The following DIAPH3 variants were observed in gnomAD, a reference collection of about 807,000 sequenced individuals.
DIAPH3 encodes diaphanous related formin 3.
Under a neutral mutation model 144.3 loss-of-function variants are expected in DIAPH3, and 117 were observed. The ratio of observed to expected loss-of-function variants is 0.81; its 90% CI spans 0.70 to 0.95. The LOEUF (loss-of-function observed/expected upper bound fraction) is 0.95, where lower values mean the gene tolerates loss of function less well. DIAPH3 is among the 40% of genes least tolerant of loss of function. DIAPH3 has a pLI of 0.00. For synonymous variants in DIAPH3, 519 were observed against 488.9 expected, an observed-to-expected ratio of 1.06 and a Z score of -0.81; for missense variants, 1,421 against 1,412.7, an observed-to-expected ratio of 1.01 and a Z score of -0.09.
chr13:60,153,945 T>C (rs1951911742), intron 1 of DIAPH3, among the ~76,000 whole-genome samples: 1 of 152,128 alleles, frequency 6.6e-6, no homozygotes, highest in African/African-American at 2.4e-5. Flanking sequence ...ATCCCCACTT[T>C]AGACATAAAG....
At chr13:59,754,427 T>C (rs2037159583) in intron 27 of DIAPH3, among the ~76,000 whole-genome samples, 1 of 152,140 alleles carries the variant, frequency 6.6e-6, no homozygotes, top group Admixed American at 6.5e-5. Context: ...GCATCTTATC[T>C]TTCTAAAATA....
intron 9 of DIAPH3, among the ~76,000 whole-genome samples, chr13:60,007,143 C>T (rs575557319): frequency 5.7e-4 from 87 of 152,116 alleles, no homozygotes; most frequent in Admixed American, 1.8e-3. Flanking sequence ...CCACTGTCTC[C>T]GGGGTTCAAG....
chr13:59,738,591 T>A (rs2139030349), intron 27 of DIAPH3, among the ~76,000 whole-genome samples: 1 of 152,216 alleles, frequency 6.6e-6, no homozygotes, highest in African/African-American at 2.4e-5. Context: ...TGTCAAATAC[T>A]AAGACTACTA....
chr13:60,106,445 G>A (rs989181238), intron 3 of DIAPH3, among the ~76,000 whole-genome samples: 2 of 152,122 alleles, frequency 1.3e-5, no homozygotes, highest in Non-Finnish European at 2.9e-5. Context: ...GAAAATATAG[G>A]AGAATAGATT....
chr13:59,674,999 T>C (rs772916744), intron 27 of DIAPH3, among the ~76,000 whole-genome samples: 1 of 152,210 alleles, frequency 6.6e-6, no homozygotes, highest in Non-Finnish European at 1.5e-5. Context: ...TACAGGGATA[T>C]GGTTTGACAG....
intron 20 of DIAPH3, 80 bp downstream of exon 20, chr13:59,911,655 A>T (rs532615191): frequency 1.9e-6 from 2 of 1,048,400 alleles, no homozygotes; most frequent in African/African-American, 1.6e-5. Context: ...ATGCTTTTTT[A>T]CATTTAGCGA....
chr13:60,089,907 C>T (rs1367243202), intron 4 of DIAPH3, among the ~76,000 whole-genome samples: 1 of 152,158 alleles, frequency 6.6e-6, no homozygotes, highest in Non-Finnish European at 1.5e-5. Flanking sequence ...GGCAAAAATG[C>T]ATGTGGATGG....
chr13:59,819,364 C>T (rs2040943048), intron 24 of DIAPH3, among the ~76,000 whole-genome samples: 1 of 151,720 alleles, frequency 6.6e-6, no homozygotes, highest in Admixed American at 6.6e-5. Flanking sequence ...CCACTTTTGC[C>T]TTGGAGATTT....
intron 27 of DIAPH3, among the ~76,000 whole-genome samples, chr13:59,690,311 G>T (rs1013598980): frequency 2.0e-5 from 3 of 152,018 alleles, no homozygotes; most frequent in Non-Finnish European, 4.4e-5. Context: ...TTACCAAGTT[G>T]GCTGGACAGA....
chr13:60,070,899 A>G (rs2057181722), intron 4 of DIAPH3, among the ~76,000 whole-genome samples: 1 of 152,202 alleles, frequency 6.6e-6, no homozygotes, highest in Admixed American at 6.5e-5. Context: ...GAGAAATGGA[A>G]TTGAATTATT....
intron 22 of DIAPH3, among the ~76,000 whole-genome samples, chr13:59,846,383 C>T (rs2042632788): frequency 6.6e-6 from 1 of 152,114 alleles, no homozygotes; most frequent in Non-Finnish European, 1.5e-5. Flanking sequence ...TAAAGAACAA[C>T]TTATTACCAT....
chr13:59,980,897 T>A, intron 13 of DIAPH3, 38 bp from the exon 14 acceptor site: 1 of 1,540,770 alleles, frequency 6.5e-7, no homozygotes, highest in Non-Finnish European at 8.9e-7. Flanking sequence ...AATGTGAAAC[T>A]TCTTAAACTC....
chr13:59,914,189 C>T (rs560704963), intron 19 of DIAPH3, among the ~76,000 whole-genome samples: 1 of 152,032 alleles, frequency 6.6e-6, no homozygotes, highest in South Asian at 2.1e-4. Context: ...CAAAATATAA[C>T]CATCACAGTG....
chr13:60,067,340 T>C lies in DIAPH3; in HGVS notation c.496-24520A>G, dbSNP rs187500010. ...CACTGAAAGTCACTCTATTTACATC[T>C]TCCAATGCATTTACTCAACCAACAT... is the stretch of plus-strand genomic sequence containing the variant. On this transcript the variant is annotated intron_variant, in intron 4 of 27. Coordinates refer to ENST00000400324, the MANE Select transcript of DIAPH3 (RefSeq NM_001042517.2). Among the ~76,000 whole-genome samples the C allele has an allele frequency of 3.5e-4, 54 of 152,192 alleles. 1 individual carries two copies. Among genetic ancestry groups the C allele is most frequent in the Admixed American group, 3.1e-3 (47 of 15,276 alleles).
chr13:59,891,186 T>TA (rs1228564249), intron 20 of DIAPH3, among the ~76,000 whole-genome samples: 2 of 152,084 alleles, frequency 1.3e-5, no homozygotes, highest in African/African-American at 2.4e-5. Flanking sequence ...AAGTCAGATC[T>TA]AAAAGCAACC....
chr13:59,798,572 T>C (rs1162737807), intron 25 of DIAPH3, among the ~76,000 whole-genome samples: 1 of 152,204 alleles, frequency 6.6e-6, no homozygotes, highest in Non-Finnish European at 1.5e-5. Context: ...TAATTCAAGA[T>C]TCCACATTTC....
chr13:59,983,780 G>T lies in DIAPH3; in HGVS notation c.1469C>A (p.Thr490Asn). The change falls in exon 13 of 28, where the codon ACC becomes AAC. Residue 490 changes from threonine (T) to asparagine (N), a missense_variant. Transcript: ENST00000400324. ...TAATAAATACTCACCTACAAACTGG[G>T]TTAAATCTAAATCTAGTCTTTTTCG... is the stretch of plus-strand genomic sequence containing the variant. The part of the protein sequence containing the change: ...TYRKRLDLDL[T>N]QFVDICIDQA... 6.3e-7 allele frequency: 1 copy of T among 1,597,924 alleles called. No homozygotes were observed. The highest frequency in any genetic ancestry group is 8.6e-7 in the Non-Finnish European group (1 of 1,166,842).
chr13:59,976,870 G>A (rs556973969), intron 14 of DIAPH3, among the ~76,000 whole-genome samples: 4 of 151,742 alleles, frequency 2.6e-5, no homozygotes, highest in Non-Finnish European at 5.9e-5. Context: ...CAAGACAGAC[G>A]AAAAAACATA....
At chr13:60,054,949 T>A (rs965156122) in intron 4 of DIAPH3, among the ~76,000 whole-genome samples, 6 of 151,902 alleles carry the variant, frequency 3.9e-5, no homozygotes, top group Non-Finnish European at 4.4e-5. Context: ...GTAGAAACTA[T>A]GAAAGCTGAA....
Sources: allele counts gnomAD v4.1 joint callset (sites outside exome capture counted in the v4.1 genomes callset), GRCh38; gene constraint gnomAD v4.1.1; transcripts MANE v1.5; gene names NCBI Gene and HGNC (gene_info 2026-07-23, HGNC 2026-07-21).